Variants in DCDC1 observed in about 807,000 individuals in gnomAD.
DCDC1 encodes the protein doublecortin domain containing 1.
A neutral mutation model predicts 178.3 loss-of-function variants in DCDC1; 200 were observed. The ratio of observed to expected loss-of-function variants is 1.12; its 90% CI spans 1.00 to 1.26. The LOEUF is 1.26. DCDC1 is among the 50% of genes most tolerant of loss of function. DCDC1 has a pLI of 0.00. For missense variants in DCDC1, 1,983 were observed against 1,749.2 expected (o/e 1.13, Z -2.38); for synonymous variants, 690 against 604.8 (o/e 1.14, Z -2.07).
chr11:31,046,321 T>C (rs1419614272), intron 20 of DCDC1, among the ~76,000 whole-genome samples: 1 of 152,148 alleles, frequency 6.6e-6, no homozygotes, highest in East Asian at 1.9e-4. Flanking sequence ...TATTCATGTT[T>C]AACCATTCAT....
chr11:30,964,339 C>T (rs543948170), intron 20 of DCDC1, among the ~76,000 whole-genome samples: 5 of 152,256 alleles, frequency 3.3e-5, no homozygotes, highest in African/African-American at 1.2e-4. Flanking sequence ...TGTTCTTTAT[C>T]ATCGAATGTG....
At chr11:31,159,914 C>A (rs1401926110) in intron 9 of DCDC1, among the ~76,000 whole-genome samples, 2 of 152,146 alleles carry the variant, frequency 1.3e-5, no homozygotes, top group African/African-American at 2.4e-5. Context: ...GTAATAATAA[C>A]CCCAAGGAAT....
At chr11:31,309,238 T>C (rs146100841) in intron 3 of DCDC1, among the ~76,000 whole-genome samples, 155 of 152,226 alleles carry the variant, frequency 1.0e-3, no homozygotes, top group African/African-American at 3.6e-3. Flanking sequence ...TATTCTGCTG[T>C]TGTTGTTATC....
At chr11:30,901,473 T>G (rs1271630012) in intron 32 of DCDC1, among the ~76,000 whole-genome samples, 1 of 152,186 alleles carries the variant, frequency 6.6e-6, no homozygotes, top group East Asian at 1.9e-4. Context: ...TCTTAATGAC[T>G]GCCTGCATAG....
At chr11:31,166,606 C>T (rs950832794) in intron 9 of DCDC1, among the ~76,000 whole-genome samples, 15 of 151,018 alleles carry the variant, frequency 9.9e-5, no homozygotes, top group South Asian at 4.2e-4. Flanking sequence ...GAGTGAAGTA[C>T]GTATGATATA....
intron 8 of DCDC1, 74 bp downstream of exon 8, chr11:31,265,433 T>C: frequency 1.4e-6 from 1 of 731,184 alleles, no homozygotes; most frequent in Non-Finnish European, 2.0e-6. Flanking sequence ...TTCTTTTAAA[T>C]GTTTAAAGTA....
chr11:31,198,776 A>T (rs1039718900), intron 9 of DCDC1, among the ~76,000 whole-genome samples: 4 of 152,040 alleles, frequency 2.6e-5, no homozygotes, highest in Non-Finnish European at 5.9e-5. Context: ...TGGCCTTCTC[A>T]ACTATTTTCA....
At chr11:31,107,094 TAAAAG>T (rs1273217198) in intron 12 of DCDC1, 134 bp from the exon 13 acceptor site, 4 of 598,166 alleles carry the variant, frequency 6.7e-6, no homozygotes, top group African/African-American at 1.9e-5. Flanking sequence ...TATAGAATGT[TAAAAG>T]AAGTGTGAAA....
intron 9 of DCDC1, among the ~76,000 whole-genome samples, chr11:31,213,174 C>T (rs1312352779): frequency 2.5e-5 from 3 of 120,634 alleles, no homozygotes; most frequent in Admixed American, 9.4e-5. Context: ...CTTTCTTTAC[C>T]AGGGCAGTGG....
intron 9 of DCDC1, among the ~76,000 whole-genome samples, chr11:31,187,920 C>T (rs1969693210): frequency 6.6e-6 from 1 of 152,082 alleles, no homozygotes; most frequent in South Asian, 2.1e-4. Flanking sequence ...GACTGAGTAA[C>T]CCATTTATAA....
chr11:31,001,801 G>T (rs553448584), intron 20 of DCDC1, among the ~76,000 whole-genome samples: 2 of 152,288 alleles, frequency 1.3e-5, no homozygotes, highest in East Asian at 3.9e-4. Flanking sequence ...GTATATCAAA[G>T]GTACATTGAA....
chr11:31,030,801 T>G (rs1953573355), intron 20 of DCDC1, among the ~76,000 whole-genome samples: 1 of 151,994 alleles, frequency 6.6e-6, no homozygotes, highest in Admixed American at 6.6e-5. Flanking sequence ...ATTTGAGGAC[T>G]AACTTATTAC....
intron 29 of DCDC1, among the ~76,000 whole-genome samples, chr11:30,907,794 G>C (rs1037302721): frequency 2.0e-5 from 3 of 152,160 alleles, no homozygotes; most frequent in Admixed American, 6.5e-5. Flanking sequence ...GCTGACCCCA[G>C]CTCTAATCGC....
chr11:30,938,540 C>T (rs1017387317), intron 21 of DCDC1, among the ~76,000 whole-genome samples: 2 of 151,992 alleles, frequency 1.3e-5, no homozygotes, highest in African/African-American at 2.4e-5. Context: ...TACTTTATCC[C>T]TTTTTTCCTT....
intron 22 of DCDC1, among the ~76,000 whole-genome samples, chr11:30,927,169 G>A (rs935154063): frequency 6.6e-6 from 1 of 151,858 alleles, no homozygotes; most frequent in African/African-American, 2.4e-5. Flanking sequence ...GGCCTTCTCC[G>A]ACAGCTGCCC....
intron 20 of DCDC1, among the ~76,000 whole-genome samples, chr11:31,036,800 G>A (rs1162205743): frequency 6.6e-6 from 1 of 152,070 alleles, no homozygotes; most frequent in Admixed American, 6.5e-5. Context: ...AAAATTAATA[G>A]TTACAGGGAT....
chr11:31,275,493 G>A (rs1945914703), intron 7 of DCDC1, among the ~76,000 whole-genome samples: 2 of 151,938 alleles, frequency 1.3e-5, no homozygotes, highest in Admixed American at 6.6e-5. Context: ...TGTCGTCGTT[G>A]TTGTTGTTGT....
At chr11:31,213,224 C>T (rs940502248) in intron 9 of DCDC1, among the ~76,000 whole-genome samples, 4 of 148,504 alleles carry the variant, frequency 2.7e-5, no homozygotes, top group African/African-American at 1.0e-4. Context: ...TCTTCAGTCA[C>T]TTCACCCCAG....
chr11:30,890,470 G>T (rs949766661), intron 36 of DCDC1, among the ~76,000 whole-genome samples: 1 of 152,130 alleles, frequency 6.6e-6, no homozygotes, highest in Non-Finnish European at 1.5e-5. Context: ...GTAGAGCCTT[G>T]TCTGCCACCC....
Sources: allele counts gnomAD v4.1 joint callset (sites outside exome capture counted in the v4.1 genomes callset), GRCh38; gene constraint gnomAD v4.1.1; transcripts MANE v1.5; gene names NCBI Gene and HGNC (gene_info 2026-07-23, HGNC 2026-07-21).